GRIN3B: variants seen among roughly 807,000 people sequenced by gnomAD.
GRIN3B encodes the protein glutamate ionotropic receptor NMDA type subunit 3B, also known as glutamate receptor ionotropic, NMDA 3B.
GRIN3B carries 77 observed loss-of-function variants against 66.0 expected under a neutral mutation model. That is an observed-to-expected ratio of 1.17 (90% confidence interval 0.97 to 1.41). The LOEUF (loss-of-function observed/expected upper bound fraction) is 1.41. GRIN3B is among the 40% of genes most tolerant of loss of function. The pLI is 0.00. For missense variants in GRIN3B, 1,787 were observed against 1,564.5 expected, an observed-to-expected ratio of 1.14 and a Z score of -2.40; for synonymous variants, 823 against 749.7, an observed-to-expected ratio of 1.10 and a Z score of -1.60.
At chr19:1,009,016 G>A in intron 8 of GRIN3B, 89 bp downstream of exon 8, 1 of 1,487,188 alleles carries the variant, frequency 6.7e-7, no homozygotes. Flanking sequence ...CGGGGTGCAG[G>A]AGGTTCCCGG....
Position 1,000,674 on chromosome 19 carries a change from C to G in GRIN3B, c.237C>G (p.Pro79=). Reference sequence around the variant, plus strand: ...GCTTGGAGCTGGTGGTCGCCGCGCCCCCCGCCCGCGACCCCGCCTCGCTGA... The same window carrying G: ...GCTTGGAGCTGGTGGTCGCCGCGCCGCCCGCCCGCGACCCCGCCTCGCTGA... The part of the protein sequence containing the change: ...NLSLELVVAA[P]PARDPASLTR... The change falls in exon 1 of 9, where the codon CCC becomes CCG. Residue 79 remains proline (P), a synonymous_variant. Transcript: ENST00000234389. The G allele has an allele frequency of 7.4e-7, 1 of 1,343,572 alleles. No homozygotes were observed. Among genetic ancestry groups the G allele is most frequent in the Non-Finnish European group, 9.6e-7 (1 of 1,044,966 alleles). The allele number at this position is 1,343,572 out of a possible 1,614,324, so 83.2% of individuals were successfully genotyped here.
Position 1,003,381 on chromosome 19 carries a change from G to T in GRIN3B, c.678G>T (p.Val226=), listed in dbSNP as rs753243001. The T allele has an allele frequency of 2.2e-5, 34 of 1,566,388 alleles. No homozygotes were observed. Among genetic ancestry groups the T allele is most frequent in the Middle Eastern group, 1.7e-4 (1 of 6,002 alleles). ...GCCTGGCCCCGATGGCGGCGCCAGT[G>T]GGGGGTGAAGCACCGGTACCCGCGG... ...RARLAPMAAP[V]GGEAPVPAAV... Residue 226 remains valine, a synonymous_variant, in exon 2 of 9, where the codon GTG becomes GTT. Transcript: ENST00000234389.
chr19:1,002,848 A>G (rs4807395), intron 1 of GRIN3B: 195,740 of 346,022 alleles, frequency 0.57, 58,115 homozygotes, highest in African/African-American at 0.79. Context: ...AGAGAGAAAG[A>G]TATTCCATCC....
intron 1 of GRIN3B, among the ~76,000 whole-genome samples, chr19:1,001,573 C>T (rs1318811686): frequency 1.3e-5 from 2 of 152,048 alleles, no homozygotes; most frequent in African/African-American, 2.4e-5. Context: ...TCACTGCGCC[C>T]CAGATAACAA....
In GRIN3B at chr19:1,008,658, T is replaced by C. The variant is rs772230740; in HGVS notation, c.2507T>C (p.Val836Ala). The change falls in exon 7 of 9, where the codon GTG becomes GCG. Residue 836 changes from valine (V) to alanine (A), a missense_variant. Transcript: ENST00000234389. ...ATCTACCACTTCGCGGGCCTCTTCG[T>C]GTTGCTGTGCCTGGGCCTGGGCAGC... ...MSIYHFAGLFVLLCLGLGSAL... is the reference protein window; with the variant it reads ...MSIYHFAGLFALLCLGLGSAL... 6.2e-7 allele frequency: 1 copy of C among 1,604,008 alleles called. No individual in the cohort carries two copies. Among genetic ancestry groups the C allele is most frequent in the Non-Finnish European group, 8.5e-7 (1 of 1,179,734 alleles).
rs1391611918 is a variant in GRIN3B at position 1,003,700 on chromosome 19, T to TC, written c.1001dup (p.Arg336AlafsTer34). The TC allele has an allele frequency of 5.0e-6, 7 of 1,403,486 alleles. No homozygotes were observed. The South Asian group carries it at 7.7e-5, about 15-fold the overall frequency. The allele number at this position is 1,403,486 out of a possible 1,614,324, so 86.9% of individuals were successfully genotyped here. On this transcript the variant is annotated frameshift_variant, in exon 2 of 9. Transcript: ENST00000234389. LOFTEE classifies it high-confidence loss of function. ...GGACCTGCAGCCGGCCGGGCCCGAG[T>TC]CCCCGGGGCGCTTCTTGGCACGGTG... is the stretch of plus-strand genomic sequence containing the variant.
At position 1,007,516 on chromosome 19, in the gene GRIN3B, G is replaced by C. The variant is rs2038763613; in HGVS notation, c.2053-112G>C. 7.9e-7 allele frequency: 1 copy of C among 1,258,330 alleles called. No individual in the cohort carries two copies. Among genetic ancestry groups the C allele is most frequent in the Non-Finnish European group, 1.0e-6 (1 of 978,110 alleles). 77.9% of individuals were successfully genotyped at this position (1,258,330 alleles called of 1,614,324 possible). A position where few individuals can be genotyped will look rare whatever the true frequency, so the allele number is the denominator to read the frequency against. ...GGAGTGGGTGGAGGCCAGGAATGCA[G>C]CCTCGGCGCCCTGCAGTGCCCAGGA... On this transcript the variant is annotated intron_variant, in intron 3 of 8. Transcript: ENST00000234389. The surrounding 1 kb of genome is among the most constrained non-coding windows in gnomAD (Gnocchi z 4.4).
intron 1 of GRIN3B, 114 bp from the exon 2 acceptor site, chr19:1,003,015 AG>A: frequency 1.6e-6 from 1 of 642,002 alleles, no homozygotes; most frequent in Non-Finnish European, 2.5e-6. Flanking sequence ...GGGGAGGTGG[AG>A]GGGAGGTGCA....
chr19:1,009,624 G>T lies in GRIN3B; in HGVS notation c.*22G>T. ...ATGAGGCGGCAGCCGGGCCGTTTGG[G>T]CTCAAGACACACACACAGCGCAGTG... On this transcript the variant is annotated 3_prime_UTR_variant, in exon 9 of 9. Transcript: ENST00000234389. 1 of 1,405,766 alleles carries T rather than the reference G, an allele frequency of 7.1e-7. No homozygotes were observed. Among genetic ancestry groups the T allele is most frequent in the Non-Finnish European group, 9.2e-7 (1 of 1,084,930 alleles). 87.1% of individuals were successfully genotyped at this position (1,405,766 alleles called of 1,614,324 possible).
In GRIN3B at chr19:1,003,704, C is replaced by G; in HGVS notation, c.1001C>G (p.Pro334Arg). 7.1e-7 allele frequency: 1 copy of G among 1,402,948 alleles called. No homozygotes were observed. Among genetic ancestry groups the G allele is most frequent in the Non-Finnish European group, 9.2e-7 (1 of 1,085,476 alleles). 86.9% of individuals were successfully genotyped at this position (1,402,948 alleles called of 1,614,324 possible). A position where few individuals can be genotyped will look rare whatever the true frequency, so the allele number is the denominator to read the frequency against. Residue 334 changes from proline to arginine, a missense_variant, in exon 2 of 9, where the codon CCG becomes CGG. Pro to Arg is a moderately radical substitution (Grantham distance 103). Coordinates refer to ENST00000234389, the MANE Select transcript of GRIN3B (RefSeq NM_138690.3). ...CTGCAGCCGGCCGGGCCCGAGTCCC[C>G]GGGGCGCTTCTTGGCACGGTGAGTG... Reference protein sequence around the residue: ...GDLQPAGPESPGRFLARFLAN... With the variant: ...GDLQPAGPESRGRFLARFLAN...
In GRIN3B at chr19:1,008,819, C is replaced by G. The variant is rs753237891; in HGVS notation, c.2631+37C>G. On this transcript the variant is annotated intron_variant, in intron 7 of 8. Coordinates refer to ENST00000234389, the MANE Select transcript of GRIN3B (RefSeq NM_138690.3). ...GTGGGCGGCGGGCGGCCCCACCCCC[C>G]CCGCCTCCTCGCCAACCGGGTCTGT... 22 of 1,590,984 alleles carry G rather than the reference C, an allele frequency of 1.4e-5. No homozygotes were observed. The South Asian group carries it at 1.9e-4, about 14-fold the overall frequency.
At position 1,008,777 on chromosome 19, in the gene GRIN3B, A is replaced by G. The variant is rs536478493; in HGVS notation, c.2626A>G (p.Ser876Gly). ...CAGGCTGCAGTACTGGCTGCACACC[A>G]GCCAGGTGGGGAGCGGGTGGGCGGC... ...GSRLQYWLHTSQKIHRALNTE... is the reference protein window; with the variant it reads ...GSRLQYWLHTGQKIHRALNTE... The change falls in exon 7 of 9, where the codon AGC becomes GGC. Residue 876 changes from serine to glycine, a missense_variant. Coordinates refer to ENST00000234389, the MANE Select transcript of GRIN3B (RefSeq NM_138690.3). 6 of 1,601,942 alleles carry G rather than the reference A, an allele frequency of 3.7e-6. No individual in the cohort carries two copies. The African/African-American group carries it at 4.0e-5, about 11-fold the overall frequency.
At position 1,003,293 on chromosome 19, in the gene GRIN3B, G is replaced by A. The variant is rs149087926; in HGVS notation, c.590G>A (p.Arg197Gln). 4.2e-3 allele frequency: 6,530 copies of A among 1,570,422 alleles called. 35 individuals are homozygous for A. The highest frequency in any genetic ancestry group is 5.1e-3 in the Non-Finnish European group (5,933 of 1,160,096). Reference protein sequence around the residue: ...LVALWTSRAGRPPQLVLDLSR... With the variant: ...LVALWTSRAGQPPQLVLDLSR... ...GCCCTCTGGACAAGCCGGGCTGGCC[G>A]GCCCCCACAGCTGGTCCTGGACCTA... Residue 197 changes from arginine to glutamine, a missense_variant, in exon 2 of 9, where the codon CGG (arginine) becomes CAG (glutamine). By Grantham distance (43) the Arg-to-Gln change is conservative. Coordinates refer to ENST00000234389, the MANE Select transcript of GRIN3B (RefSeq NM_138690.3).
Position 1,003,120 on chromosome 19 carries a change from CCT to C in GRIN3B, c.427-6_427-5del. 1 of 1,431,206 alleles carries C rather than the reference CCT, an allele frequency of 7.0e-7. No individual in the cohort carries two copies. The highest frequency in any genetic ancestry group is 9.2e-7 in the Non-Finnish European group (1 of 1,092,618). 88.7% of individuals were successfully genotyped at this position (1,431,206 alleles called of 1,614,324 possible). A position where few individuals can be genotyped will look rare whatever the true frequency, so the allele number is the denominator to read the frequency against. On this transcript the variant is annotated splice_polypyrimidine_tract_variant and splice_region_variant and intron_variant, in intron 1 of 8. Coordinates refer to ENST00000234389, the MANE Select transcript of GRIN3B (RefSeq NM_138690.3). ...GTCGTCAACCCTAACCGTGGCCACC[CCT>C]CTCCCAGAACCCATTCCACCTGCAG... is the stretch of plus-strand genomic sequence containing the variant.
At position 1,000,864 on chromosome 19, in the gene GRIN3B, G is replaced by C. The variant is rs1022201406; in HGVS notation, c.426+1G>C. On this transcript the variant is annotated splice_donor_variant, in intron 1 of 8. Coordinates refer to ENST00000234389, the MANE Select transcript of GRIN3B (RefSeq NM_138690.3). LOFTEE classifies it high-confidence loss of function. ...GGCGCGCGCGCCCCTCGGAGCCCCGGTACGCGGGACGCCCGGAGTCAGGAC... is the reference window on the plus strand; with the variant it reads ...GGCGCGCGCGCCCCTCGGAGCCCCGCTACGCGGGACGCCCGGAGTCAGGAC... 4.4e-5 allele frequency: 62 copies of C among 1,409,502 alleles called. No homozygotes were observed. The African/African-American group carries it at 8.4e-4, about 19-fold the overall frequency. The allele number at this position is 1,409,502 out of a possible 1,614,324, so 87.3% of individuals were successfully genotyped here.
At position 1,007,715 on chromosome 19, in the gene GRIN3B, C is replaced by A; in HGVS notation, c.2140C>A (p.His714Asn). Residue 714 changes from histidine (H) to asparagine (N), a missense_variant, in exon 4 of 9, where the codon CAC (histidine) becomes AAC (asparagine). Physicochemically the swap from His to Asn is moderately conservative, Grantham distance 68 (BLOSUM62 1). Transcript: ENST00000234389. This position sits in a 1 kb window ranked among gnomAD's most constrained non-coding sequence, Gnocchi z 4.4. ...CATCAAGAAGAGCTTCCCCGACATG[C>A]ACGCACACATGCGGCGCCACAGCGC... ...AYIKKSFPDM[H>N]AHMRRHSAPT... is the part of the protein sequence containing the mutation. 6.5e-7 allele frequency: 1 copy of A among 1,534,792 alleles called. No individual in the cohort carries two copies.
At chr19:1,003,092 G>A (rs1325027443) in intron 1 of GRIN3B, 38 bp from the exon 2 acceptor site, 1 of 1,352,810 alleles carries the variant, frequency 7.4e-7, no homozygotes, top group Non-Finnish European at 9.7e-7. Flanking sequence ...TGTGGGGGTG[G>A]AGGTCGTCAA....
Position 1,009,628 on chromosome 19 carries a change from A to G in GRIN3B, c.*26A>G. On this transcript the variant is annotated 3_prime_UTR_variant, in exon 9 of 9. Transcript: ENST00000234389. ...GGCGGCAGCCGGGCCGTTTGGGCTC[A>G]AGACACACACACAGCGCAGTGAGCC... is the stretch of plus-strand genomic sequence containing the variant. The G allele has an allele frequency of 7.1e-7, 1 of 1,401,762 alleles. No homozygotes were observed. Among genetic ancestry groups the G allele is most frequent in the African/African-American group, 1.5e-5 (1 of 66,302 alleles). 86.8% of individuals were successfully genotyped at this position (1,401,762 alleles called of 1,614,324 possible).
Position 1,008,940 on chromosome 19 carries a change from C to CG in GRIN3B, c.2702+17dup. On this transcript the variant is annotated intron_variant, in intron 8 of 8. Coordinates refer to ENST00000234389, the MANE Select transcript of GRIN3B (RefSeq NM_138690.3). ...AGGCGGAGCCCAGGTAAGTGGTGGT[C>CG]GGGGCGGACCACGATGCAGGACCAC... The CG allele has an allele frequency of 6.3e-7, 1 of 1,596,904 alleles. No homozygotes were observed. The highest frequency in any genetic ancestry group is 8.5e-7 in the Non-Finnish European group (1 of 1,172,914).
Sources: gnomAD v4.1 joint callset for allele counts (sites outside exome capture counted in the v4.1 genomes callset) on GRCh38, gnomAD v4.1.1 for gene constraint, Gnocchi (gnomAD v3.1) non-coding constraint, MANE v1.5 for transcripts, NCBI Gene and HGNC (gene_info 2026-07-23, HGNC 2026-07-21) for gene names.